Variants in ANKRD28 observed in about 807,000 individuals in gnomAD.
ANKRD28 encodes ankyrin repeat domain 28.
ANKRD28 carries 44 observed loss-of-function variants against 126.5 expected under a neutral mutation model. The observed-to-expected ratio is 0.35, with a 90% CI of 0.27 to 0.45. The LOEUF (loss-of-function observed/expected upper bound fraction) is 0.45. ANKRD28 is among the 20% of genes least tolerant of loss of function. The pLI, the probability that ANKRD28 is intolerant of heterozygous loss-of-function variation, is 1.00. For synonymous variants in ANKRD28, 442 were observed against 468.5 expected, an observed-to-expected ratio of 0.94 and a Z score of 0.73; for missense variants, 1,110 against 1,316.6, an observed-to-expected ratio of 0.84 and a Z score of 2.43.
chr3:15,688,678 T>C (rs776178908), intron 18 of ANKRD28, among the ~76,000 whole-genome samples: 16 of 152,170 alleles, frequency 1.1e-4, no homozygotes, highest in Non-Finnish European at 2.2e-4. Flanking sequence ...ATCCAAGACA[T>C]ATATTCAAAT....
chr3:15,775,582 C>G (rs1208185015), intron 2 of ANKRD28, among the ~76,000 whole-genome samples: 1 of 152,216 alleles, frequency 6.6e-6, no homozygotes, highest in Admixed American at 6.5e-5. Context: ...CCCACTACCT[C>G]TTTCTCAGGT....
At chr3:15,832,777 A>G (rs905408359) in intron 1 of ANKRD28, among the ~76,000 whole-genome samples, 2 of 152,202 alleles carry the variant, frequency 1.3e-5, no homozygotes, top group African/African-American at 4.8e-5. Flanking sequence ...GCTGCAAAAG[A>G]CATGATTTCA....
intron 1 of ANKRD28, among the ~76,000 whole-genome samples, chr3:15,820,528 G>A (rs75647777): frequency 6.6e-6 from 1 of 152,290 alleles, no homozygotes; most frequent in East Asian, 1.9e-4. Flanking sequence ...ACGTAGTAGA[G>A]AAAGAGACTT....
At chr3:15,820,413 A>G (rs7625634) in intron 1 of ANKRD28, among the ~76,000 whole-genome samples, 1,944 of 152,308 alleles carry the variant, frequency 0.013, 44 homozygotes, top group African/African-American at 0.044. Context: ...TATGTTAAAC[A>G]ACACTGTGAA....
At chr3:15,776,952 T>G (rs1575637306) in intron 2 of ANKRD28, among the ~76,000 whole-genome samples, 1 of 152,154 alleles carries the variant, frequency 6.6e-6, no homozygotes, top group South Asian at 2.1e-4. Flanking sequence ...TAGGAAGTTT[T>G]GTTCTCCTGA....
rs189769050 is a variant in ANKRD28 at position 15,723,353 on chromosome 3, G to T, written c.783+1029C>A. On this transcript the variant is annotated intron_variant, in intron 7 of 27. Coordinates refer to ENST00000683139, the MANE Select transcript of ANKRD28 (RefSeq NM_001349278.2). ...TATCACCTACTTTTCTTAGTTTTTT[G>T]TAGCTGATCTAAACTGTATCCCTCT... Among the ~76,000 whole-genome samples the T allele has an allele frequency of 6.5e-3, 990 of 152,226 alleles. 5 individuals are homozygous for T. Among genetic ancestry groups the T allele is most frequent in the Non-Finnish European group, 9.6e-3 (655 of 67,984 alleles).
At chr3:15,734,816 T>C (rs2074908628) in intron 6 of ANKRD28, among the ~76,000 whole-genome samples, 2 of 152,238 alleles carry the variant, frequency 1.3e-5, no homozygotes, top group Non-Finnish European at 2.9e-5. Flanking sequence ...ATGTTTCTGT[T>C]AGTGCTGTGG....
At chr3:15,746,832 T>C (rs2057507987) in intron 4 of ANKRD28, among the ~76,000 whole-genome samples, 1 of 152,238 alleles carries the variant, frequency 6.6e-6, no homozygotes, top group East Asian at 1.9e-4. Flanking sequence ...TCCTGGACTT[T>C]TTATTTGCTG....
chr3:15,709,377 T>C lies in ANKRD28; in HGVS notation c.1406+291A>G, dbSNP rs151242106. Among the ~76,000 whole-genome samples the C allele has an allele frequency of 4.1e-3, 619 of 152,216 alleles. 2 individuals carry two copies. The highest frequency in any genetic ancestry group is 0.023 in the East Asian group (118 of 5,186). On this transcript the variant is annotated intron_variant, in intron 13 of 27. Transcript: ENST00000683139. ...GAAAAAACATAGGTTCTATGGGGCT[T>C]TACATTTCCATAGTCATAATTTTTG...
intron 2 of ANKRD28, among the ~76,000 whole-genome samples, chr3:15,788,270 G>A (rs2059872002): frequency 6.6e-6 from 1 of 152,132 alleles, no homozygotes; most frequent in African/African-American, 2.4e-5. Context: ...AAAGGCAGGA[G>A]TTCATAGGGC....
At chr3:15,725,440 A>C (rs932834224) in intron 6 of ANKRD28, among the ~76,000 whole-genome samples, 3 of 152,158 alleles carry the variant, frequency 2.0e-5, no homozygotes, top group Non-Finnish European at 4.4e-5. Context: ...CATAAATTCT[A>C]AAGTTAGCTT....
chr3:15,828,676 T>C (rs1443871029), intron 1 of ANKRD28, among the ~76,000 whole-genome samples: 1 of 142,778 alleles, frequency 7.0e-6, no homozygotes, highest in Admixed American at 6.9e-5. Flanking sequence ...GGGGGGATTA[T>C]TGCCTTCACA....
intron 1 of ANKRD28, among the ~76,000 whole-genome samples, chr3:15,832,659 C>T (rs2061231243): frequency 6.6e-6 from 1 of 152,174 alleles, no homozygotes; most frequent in African/African-American, 2.4e-5. Context: ...CTTGGTATGT[C>T]CCATATACCC....
chr3:15,670,182 T>C lies in ANKRD28; in HGVS notation c.*88A>G. ...CACTGTGGGATCTTTCCTCTTAGGT[T>C]GAATTTCTACGTGAATATCAAAGTG... is the stretch of plus-strand genomic sequence containing the variant. On this transcript the variant is annotated 3_prime_UTR_variant, in exon 28 of 28. Transcript: ENST00000683139. The C allele has an allele frequency of 7.0e-7, 1 of 1,420,148 alleles. No individual in the cohort carries two copies. Among genetic ancestry groups the C allele is most frequent in the South Asian group, 1.4e-5 (1 of 71,508 alleles). 88.0% of individuals were successfully genotyped at this position (1,420,148 alleles called of 1,614,324 possible). A position where few individuals can be genotyped will look rare whatever the true frequency, so the allele number is the denominator to read the frequency against.
chr3:15,795,220 T>C lies in ANKRD28; in HGVS notation c.201+3A>G. 6.3e-7 allele frequency: 1 copy of C among 1,597,462 alleles called. No homozygotes were observed. Among genetic ancestry groups the C allele is most frequent in the Non-Finnish European group, 8.6e-7 (1 of 1,165,338 alleles). ...GCTGGCATCAGTGAATTAACTGTTT[T>C]ACCTGAAAGTTAACATCTTCTTTCT... On this transcript the variant is annotated splice_donor_region_variant and intron_variant, in intron 2 of 27. Coordinates refer to ENST00000683139, the MANE Select transcript of ANKRD28 (RefSeq NM_001349278.2).
intron 1 of ANKRD28, among the ~76,000 whole-genome samples, chr3:15,822,994 G>A (rs1160097075): frequency 6.6e-6 from 1 of 152,094 alleles, no homozygotes; most frequent in Non-Finnish European, 1.5e-5. Flanking sequence ...ATACAAAATG[G>A]ACAAATTCCT....
chr3:15,735,241 T>C (rs1293526095), intron 6 of ANKRD28, among the ~76,000 whole-genome samples, 169 bp downstream of exon 6: 1 of 152,170 alleles, frequency 6.6e-6, no homozygotes, highest in Non-Finnish European at 1.5e-5. Context: ...GGACCCAGTG[T>C]ACTCCAAACC....
In ANKRD28 at chr3:15,698,019, TAG is replaced by T. The variant is rs199675513; in HGVS notation, c.1548-1776_1548-1775del. Among the ~76,000 whole-genome samples the T allele has an allele frequency of 5.8e-3, 887 of 152,294 alleles. 13 individuals carry two copies. Among genetic ancestry groups the T allele is most frequent in the African/African-American group, 0.02 (831 of 41,546 alleles). ...TTCTAGATTTTCTAGTTTATTTGCG[TAG>T]AGGTGTTTATAGTATTCTCTGATTG... is the stretch of plus-strand genomic sequence containing the variant. On this transcript the variant is annotated intron_variant, in intron 14 of 27. Transcript: ENST00000683139.
rs1485119888 is a variant in ANKRD28 at position 15,816,962 on chromosome 3, A to G, written c.28-21656T>C. Among the ~76,000 whole-genome samples, 4 of 152,166 alleles carry G rather than the reference A, an allele frequency of 2.6e-5. No individual in the cohort carries two copies. Among genetic ancestry groups the G allele is most frequent in the Middle Eastern group, 3.2e-3 (1 of 316 alleles). On this transcript the variant is annotated intron_variant, in intron 1 of 27. Coordinates refer to the ANKRD28 transcript ENST00000399451. The surrounding 1 kb of genome is among the most constrained non-coding windows in gnomAD (Gnocchi z 5.0). The stretch of plus-strand genomic sequence containing the variant: ...TGTAATCCCAGCACTTTGGGAGGCC[A>G]AAGTGAGAGGATCACTTCAGCTCAG...
Sources: allele counts gnomAD v4.1 joint callset (sites outside exome capture counted in the v4.1 genomes callset), GRCh38; gene constraint gnomAD v4.1.1; non-coding constraint Gnocchi (gnomAD v3.1); transcripts MANE v1.5; gene names NCBI Gene and HGNC (gene_info 2026-07-23, HGNC 2026-07-21).